The following GPHN variants were observed in gnomAD, a reference collection of about 807,000 sequenced individuals.
The protein encoded by GPHN is gephyrin.
GPHN carries 17 observed loss-of-function variants against 95.5 expected under a neutral mutation model. That is an observed-to-expected ratio of 0.18 (90% confidence interval 0.12 to 0.27). The LOEUF is 0.27. Among genes scored for constraint, GPHN ranks in the 10% least tolerant of loss-of-function variants. The probability of loss-of-function intolerance (pLI) is 1.00; values close to 1 mark genes in which losing one functional copy is unlikely to be tolerated. For missense variants in GPHN, 660 were observed against 978.1 expected, an observed-to-expected ratio of 0.67 and a Z score of 4.34; for synonymous variants, 320 against 322.5, an observed-to-expected ratio of 0.99 and a Z score of 0.08.
chr14:67,463,267 A>C, the GPHN span, among the ~76,000 whole-genome samples: 2 of 152,138 alleles, frequency 1.3e-5, no homozygotes, highest in Admixed American at 6.5e-5. Context: ...TTTAATTAAA[A>C]ATTTTTTTCA....
chr14:66,599,392 A>ATT lies in GPHN; in HGVS notation c.65-81700_65-81699dup, dbSNP rs765267813. On this transcript the variant is annotated intron_variant, in intron 1 of 22. Transcript: ENST00000478722. The stretch of plus-strand genomic sequence containing the variant: ...TCTCTGATTTTACATTTTTTTTTGC[A>ATT]TTTTTTTTTTTTTTTTGCTAGATGC... Among the ~76,000 whole-genome samples, 44 of 76,506 alleles carry ATT rather than the reference A, an allele frequency of 5.8e-4. 1 individual carries two copies. The highest frequency in any genetic ancestry group is 2.0e-3 in the East Asian group (5 of 2,496). 50.2% of individuals were successfully genotyped at this position (76,506 alleles called of 152,430 possible).
the GPHN span, among the ~76,000 whole-genome samples, chr14:67,238,670 G>A: frequency 2.6e-5 from 4 of 151,784 alleles, no homozygotes; most frequent in African/African-American, 9.7e-5. Flanking sequence ...TTGAGACAGG[G>A]TCTCACTCTA....
chr14:66,781,365 C>T (rs572123744), intron 3 of GPHN, among the ~76,000 whole-genome samples: 2 of 151,938 alleles, frequency 1.3e-5, no homozygotes, highest in South Asian at 2.1e-4. Flanking sequence ...TACAGGCATG[C>T]GCCACCACAC....
the GPHN span, among the ~76,000 whole-genome samples, chr14:67,440,778 T>A: frequency 1.3e-5 from 2 of 151,614 alleles, no homozygotes; most frequent in Non-Finnish European, 2.9e-5. Context: ...ACTCCCAGTT[T>A]GCCCTGATGC....
chr14:67,581,823 T>C, the GPHN span: 1 of 449,318 alleles, frequency 2.2e-6, no homozygotes, highest in Non-Finnish European at 4.1e-6. Context: ...CCTTACTAAA[T>C]CCAGTAAGCT....
chr14:66,767,255 C>G (rs1043608342), intron 2 of GPHN, among the ~76,000 whole-genome samples: 5 of 151,774 alleles, frequency 3.3e-5, no homozygotes, highest in African/African-American at 1.2e-4. Flanking sequence ...AAGAGGCTCC[C>G]TAGGACTTCT....
At chr14:67,203,337 G>C in the GPHN span, 1 of 1,458,856 alleles carries the variant, frequency 6.9e-7, no homozygotes, top group Non-Finnish European at 9.2e-7. Context: ...CAGAAGATGT[G>C]CATTAGCCCT....
intron 10 of GPHN, among the ~76,000 whole-genome samples, chr14:67,051,813 C>G (rs908435034): frequency 5.3e-5 from 8 of 152,176 alleles, no homozygotes; most frequent in African/African-American, 1.9e-4. Context: ...ATTCAGTATC[C>G]TTAAAAGAAA....
intron 21 of GPHN, among the ~76,000 whole-genome samples, chr14:67,178,485 C>G (rs1185445380): frequency 1.3e-5 from 2 of 152,138 alleles, no homozygotes; most frequent in Non-Finnish European, 2.9e-5. Context: ...TCTCTGGCTG[C>G]CTTTAACATT....
intron 8 of GPHN, among the ~76,000 whole-genome samples, chr14:66,945,094 G>GA (rs1157034025): frequency 4.6e-5 from 7 of 151,792 alleles, no homozygotes; most frequent in East Asian, 1.9e-4. Flanking sequence ...AAATGTTGTA[G>GA]AAAAAAAACA....
intron 9 of GPHN, among the ~76,000 whole-genome samples, chr14:66,986,694 CTG>C (rs1257518829): frequency 6.6e-6 from 1 of 152,110 alleles, no homozygotes; most frequent in Non-Finnish European, 1.5e-5. Context: ...GCAATAGTAA[CTG>C]TTAAATTAAT....
At chr14:67,257,072 C>T in the GPHN span, among the ~76,000 whole-genome samples, 1 of 151,892 alleles carries the variant, frequency 6.6e-6, no homozygotes, top group Non-Finnish European at 1.5e-5. Context: ...TGGTTTGATC[C>T]GGTAAGACGG....
At chr14:67,048,177 CATAG>C (rs2075130575) in intron 10 of GPHN, among the ~76,000 whole-genome samples, 1 of 152,182 alleles carries the variant, frequency 6.6e-6, no homozygotes, top group South Asian at 2.1e-4. Flanking sequence ...CTTTCTACAT[CATAG>C]ATAGTGTCAT....
At chr14:67,521,584 G>A in the GPHN span, among the ~76,000 whole-genome samples, 112 of 152,294 alleles carry the variant, frequency 7.4e-4, no homozygotes, top group Middle Eastern at 3.4e-3. Context: ...AGAAAATCCA[G>A]TGGATAAGGA....
the GPHN span, among the ~76,000 whole-genome samples, chr14:67,260,054 T>C: frequency 1.3e-5 from 2 of 152,206 alleles, no homozygotes; most frequent in Non-Finnish European, 2.9e-5. Flanking sequence ...CTCTTCCTCA[T>C]TTATTTAAAG....
chr14:67,353,740 T>C, the GPHN span: 23,567 of 152,226 alleles, frequency 0.15, 3,458 homozygotes, highest in East Asian at 0.42. Flanking sequence ...ATCTGCCTGC[T>C]TCAGCCTCCC....
chr14:67,615,873 G>A, the GPHN span: 2 of 612,926 alleles, frequency 3.3e-6, no homozygotes, highest in Non-Finnish European at 6.1e-6. Flanking sequence ...AAACTGGGAG[G>A]GATGTGGAAT....
intron 1 of GPHN, among the ~76,000 whole-genome samples, chr14:66,581,722 A>G (rs766163141): frequency 2.6e-5 from 4 of 151,974 alleles, no homozygotes; most frequent in Non-Finnish European, 5.9e-5. Flanking sequence ...GCTGATGGAA[A>G]CCAAAAGAAA....
At chr14:67,401,555 G>T in the GPHN span, among the ~76,000 whole-genome samples, 2 of 151,892 alleles carry the variant, frequency 1.3e-5, no homozygotes, top group Non-Finnish European at 2.9e-5. Flanking sequence ...AGGAGATTTG[G>T]ACACACAGCT....
Sources: allele counts gnomAD v4.1 joint callset (sites outside exome capture counted in the v4.1 genomes callset), GRCh38; gene constraint gnomAD v4.1.1; transcripts MANE v1.5; gene names NCBI Gene and HGNC (gene_info 2026-07-23, HGNC 2026-07-21).